The following XRCC4 variants were observed in gnomAD, a reference collection of about 807,000 sequenced individuals.
The protein encoded by XRCC4 is DNA repair protein XRCC4.
Under a neutral mutation model 39.1 loss-of-function variants are expected in XRCC4, and 28 were observed. The observed-to-expected ratio is 0.72, with a 90% CI of 0.53 to 0.98. XRCC4 has a LOEUF of 0.98. XRCC4 is among the 50% of genes least tolerant of loss of function. The probability of loss-of-function intolerance (pLI) is 0.00; values close to 1 mark genes in which losing one functional copy is unlikely to be tolerated. For synonymous variants in XRCC4, 123 were observed against 126.4 expected (o/e 0.97, Z 0.18); for missense variants, 350 against 376.4 (o/e 0.93, Z 0.58).
chr5:83,120,001 A>G (rs76469271), intron 3 of XRCC4, among the ~76,000 whole-genome samples: 1 of 150,414 alleles, frequency 6.6e-6, no homozygotes, highest in Admixed American at 6.6e-5. Flanking sequence ...TGTCTCACAA[A>G]AAAAAAAAAA....
chr5:83,243,309 T>A (rs1381519812), intron 6 of XRCC4, among the ~76,000 whole-genome samples: 3 of 152,182 alleles, frequency 2.0e-5, no homozygotes, highest in Non-Finnish European at 4.4e-5. Context: ...AATTGGGGAC[T>A]TACCAACAGA....
intron 7 of XRCC4, among the ~76,000 whole-genome samples, chr5:83,305,683 G>A (rs1230330100): frequency 6.6e-6 from 1 of 152,094 alleles, no homozygotes; most frequent in Admixed American, 6.5e-5. Context: ...GGCTGAGAAA[G>A]TGTTTAGTTC....
intron 3 of XRCC4, among the ~76,000 whole-genome samples, chr5:83,138,474 T>C (rs893073030): frequency 3.3e-5 from 5 of 152,108 alleles, no homozygotes; most frequent in African/African-American, 1.2e-4. Context: ...GAACTTTCAA[T>C]TTCTGTATTG....
chr5:83,226,763 G>A (rs1288401226), intron 6 of XRCC4, among the ~76,000 whole-genome samples: 1 of 152,144 alleles, frequency 6.6e-6, no homozygotes, highest in African/African-American at 2.4e-5. Flanking sequence ...AAGTCTTTCA[G>A]TTGGTCTCTG....
chr5:83,216,625 T>C (rs1259811405), intron 6 of XRCC4, among the ~76,000 whole-genome samples: 1 of 152,170 alleles, frequency 6.6e-6, no homozygotes, highest in Admixed American at 6.5e-5. Flanking sequence ...AAAGTATTAT[T>C]TGGCAATATA....
rs530853411 is a variant in XRCC4, at chr5:83,353,670, AT to A, written c.*432del. On this transcript the variant is annotated 3_prime_UTR_variant, in exon 8 of 8. Coordinates refer to ENST00000396027, the MANE Select transcript of XRCC4 (RefSeq NM_003401.5). ...ATATTCTGAACATTGATGTTTGAAC[AT>A]TTTAATTTGTGTGATGATGTAGAAA... is the stretch of plus-strand genomic sequence containing the variant. The A allele has an allele frequency of 1.6e-3, 246 of 152,610 alleles. 3 individuals are homozygous for A. In the Middle Eastern group the frequency reaches 0.041, roughly 25 times the overall value. 9.5% of individuals were successfully genotyped at this position (152,610 alleles called of 1,614,324 possible).
intron 3 of XRCC4, among the ~76,000 whole-genome samples, chr5:83,177,210 G>T (rs1349769798): frequency 6.6e-6 from 1 of 152,028 alleles, no homozygotes; most frequent in Non-Finnish European, 1.5e-5. Context: ...CTTTAAGGTA[G>T]GTTTCAGTAA....
At position 83,292,719 on chromosome 5, in the gene XRCC4, CTCTTTTTCTTTT is replaced by C. The variant is rs3070939; in HGVS notation, c.893+34056_893+34067del. 5.9e-5 allele frequency among the ~76,000 whole-genome samples: 9 copies of C among 151,728 alleles called. No homozygotes were observed. The East Asian group carries it at 1.2e-3, about 20-fold the overall frequency. ...CCCAGTAGACTGAATACACAAGAAACTCTTTTTCTTTTTCTTTTTCTTTTTTAACTTAGTTGT... is the reference window on the plus strand; with the variant it reads ...CCCAGTAGACTGAATACACAAGAAACTCTTTTTCTTTTTTAACTTAGTTGT... On this transcript the variant is annotated intron_variant, in intron 7 of 7. Coordinates refer to ENST00000396027, the MANE Select transcript of XRCC4 (RefSeq NM_003401.5).
At chr5:83,234,037 G>A (rs746189492) in intron 6 of XRCC4, among the ~76,000 whole-genome samples, 9 of 152,040 alleles carry the variant, frequency 5.9e-5, no homozygotes, top group Non-Finnish European at 1.0e-4. Flanking sequence ...GAATACAGGC[G>A]TTTTATACGA....
At chr5:83,084,776 G>A (rs1018982869) in intron 1 of XRCC4, among the ~76,000 whole-genome samples, 7 of 152,064 alleles carry the variant, frequency 4.6e-5, no homozygotes, top group Admixed American at 4.6e-4. Flanking sequence ...CCTAGATAAT[G>A]AGCTAGACTT....
At chr5:83,234,989 G>A (rs574470403) in intron 6 of XRCC4, among the ~76,000 whole-genome samples, 118 of 150,950 alleles carry the variant, frequency 7.8e-4, no homozygotes, top group South Asian at 3.1e-3. Context: ...AGCTTTTATC[G>A]CATTAATATT....
downstream of XRCC4, among the ~76,000 whole-genome samples, chr5:83,354,749 C>A (rs1228682230): frequency 6.6e-6 from 1 of 152,064 alleles, no homozygotes; most frequent in Non-Finnish European, 1.5e-5. Context: ...AGCTAAAAAC[C>A]CAGGAATCTT....
intron 3 of XRCC4, among the ~76,000 whole-genome samples, chr5:83,134,504 T>G (rs1305375354): frequency 6.6e-6 from 1 of 152,072 alleles, no homozygotes; most frequent in African/African-American, 2.4e-5. Context: ...CAATCAGCAC[T>G]CTCTCAAAAC....
At chr5:83,242,086 T>TA (rs11397699) in intron 6 of XRCC4, among the ~76,000 whole-genome samples, 140,056 of 146,476 alleles carry the variant, frequency 0.96, 67,175 homozygotes, top group East Asian at 1. Flanking sequence ...AACTTTTATT[T>TA]AAAAAAAAAA....
At chr5:83,143,798 A>G (rs370879628) in intron 3 of XRCC4, among the ~76,000 whole-genome samples, 1 of 151,646 alleles carries the variant, frequency 6.6e-6, no homozygotes, top group Non-Finnish European at 1.5e-5. Context: ...ATTCATTTGA[A>G]TTATTGTTCT....
At chr5:83,306,147 A>C (rs1755475785) in intron 7 of XRCC4, among the ~76,000 whole-genome samples, 1 of 152,156 alleles carries the variant, frequency 6.6e-6, no homozygotes, top group South Asian at 2.1e-4. Context: ...TAGTGAATAG[A>C]AACATGTGGT....
intron 1 of XRCC4, among the ~76,000 whole-genome samples, chr5:83,082,950 T>C (rs1286555400): frequency 6.6e-6 from 1 of 152,174 alleles, no homozygotes; most frequent in African/African-American, 2.4e-5. Context: ...ACACTAGGCC[T>C]ACTTCTACCA....
intron 7 of XRCC4, among the ~76,000 whole-genome samples, chr5:83,320,406 T>G (rs1418732750): frequency 6.7e-6 from 1 of 148,590 alleles, no homozygotes; most frequent in Non-Finnish European, 1.5e-5. Flanking sequence ...AAAAAAGAAA[T>G]AAAAACCACT....
At chr5:83,226,816 CG>C (rs1445346981) in intron 6 of XRCC4, among the ~76,000 whole-genome samples, 2 of 152,092 alleles carry the variant, frequency 1.3e-5, no homozygotes, top group African/African-American at 4.8e-5. Context: ...GATGTTTATT[CG>C]GTGCATTTGA....
Sources: gnomAD v4.1 joint callset for allele counts (sites outside exome capture counted in the v4.1 genomes callset) on GRCh38, gnomAD v4.1.1 for gene constraint, MANE v1.5 for transcripts, NCBI Gene and HGNC (gene_info 2026-07-23, HGNC 2026-07-21) for gene names.